NCOA6: variants seen among roughly 807,000 people sequenced by gnomAD.
NCOA6 encodes the protein nuclear receptor coactivator 6.
A neutral mutation model predicts 171.4 loss-of-function variants in NCOA6; 49 were observed. The observed-to-expected ratio is 0.29, with a 90% confidence interval of 0.23 to 0.36. The LOEUF (loss-of-function observed/expected upper bound fraction) is 0.36. Ranked by LOEUF, NCOA6 falls within the 10% of genes least tolerant of loss-of-function variation. NCOA6 has a pLI of 1.00. For missense variants in NCOA6, 2,248 were observed against 2,554.5 expected (o/e 0.88, Z 2.59); for synonymous variants, 910 against 927.5 (o/e 0.98, Z 0.34).
chr20:34,769,774 T>C (rs890719179), intron 4 of NCOA6, among the ~76,000 whole-genome samples: 2 of 152,338 alleles, frequency 1.3e-5, no homozygotes, highest in African/African-American at 2.4e-5. Context: ...AACTTAAATC[T>C]TACTTGGTCC....
rs2076129522 is a variant in NCOA6 at position 34,741,152 on chromosome 20, T to C, written c.5104A>G (p.Ile1702Val). The C allele has an allele frequency of 3.1e-6, 5 of 1,614,186 alleles. No homozygotes were observed. Among genetic ancestry groups the C allele is most frequent in the Non-Finnish European group, 4.2e-6 (5 of 1,180,034 alleles). The change falls in exon 11 of 15, where the codon ATA becomes GTA. Residue 1702 changes from isoleucine (I) to valine (V), a missense_variant. This residue lies in a region of NCOA6 where 884 missense variants were observed against 941.9 expected (regional missense o/e 0.94). Transcript: ENST00000359003. ...GAAGAAAATTTTATGTTCTGAGGTA[T>C]GTGTAAAGGGCCAACAACTGCAACA... is the stretch of plus-strand genomic sequence containing the variant. The part of the protein sequence containing the change: ...PSVAVVGPLH[I>V]PQNIKFSSAP...
At chr20:34,753,628 C>T (rs534089402) in intron 8 of NCOA6, among the ~76,000 whole-genome samples, 1 of 151,948 alleles carries the variant, frequency 6.6e-6, no homozygotes, top group African/African-American at 2.4e-5. Flanking sequence ...CCACTGCACT[C>T]CAGCTTGAGC....
At chr20:34,808,943 T>C (rs2078557068) in intron 1 of NCOA6, among the ~76,000 whole-genome samples, 2 of 152,166 alleles carry the variant, frequency 1.3e-5, no homozygotes, top group Admixed American at 6.5e-5. Flanking sequence ...AAAAAGCTAA[T>C]TCAAGATGAC....
intron 1 of NCOA6, among the ~76,000 whole-genome samples, chr20:34,818,263 G>A (rs1252719234): frequency 1.3e-5 from 2 of 152,102 alleles, no homozygotes; most frequent in Non-Finnish European, 2.9e-5. Flanking sequence ...ACCAAGGCAG[G>A]AGATCACTTG....
At chr20:34,750,975 T>C (rs989913773) in intron 8 of NCOA6, among the ~76,000 whole-genome samples, 1 of 151,424 alleles carries the variant, frequency 6.6e-6, no homozygotes, top group Non-Finnish European at 1.5e-5. Flanking sequence ...GATCATGCCA[T>C]TGCACTCCAG....
chr20:34,749,711 C>T lies in NCOA6; in HGVS notation c.2484G>A (p.Met828Ile). 3 of 1,614,166 alleles carry T rather than the reference C, an allele frequency of 1.9e-6. No homozygotes were observed. Among genetic ancestry groups the T allele is most frequent in the Non-Finnish European group, 2.5e-6 (3 of 1,180,034 alleles). ...MPDVSIQQTN[M>I]VPPHVQAMQG... Reference sequence around the variant, plus strand: ...GCATGGCCTGCACATGAGGGGGGACCATGTTGGTTTGTTGAATGCTAACAT... The same window carrying T: ...GCATGGCCTGCACATGAGGGGGGACTATGTTGGTTTGTTGAATGCTAACAT... The change falls in exon 9 of 15, where the codon ATG becomes ATA. Residue 828 changes from methionine to isoleucine, a missense_variant. By Grantham distance (10) the Met-to-Ile change is conservative. This residue lies in a region of NCOA6 where 987 missense variants were observed against 1,104.7 expected (regional missense o/e 0.89). Transcript: ENST00000359003.
chr20:34,747,770 C>T (rs1275508009), intron 9 of NCOA6, among the ~76,000 whole-genome samples: 1 of 152,182 alleles, frequency 6.6e-6, no homozygotes, highest in African/African-American at 2.4e-5. Context: ...AAATTTAGAA[C>T]CTGAAGCAGA....
Position 34,823,744 on chromosome 20 carries a change from C to T in NCOA6, c.-164+1728G>A, listed in dbSNP as rs75048828. 7.0e-4 allele frequency among the ~76,000 whole-genome samples: 107 copies of T among 152,016 alleles called. 1 individual carries two copies. The East Asian group carries it at 0.019, about 27-fold the overall frequency. ...ACAGTGTCTTGCTCTGTCGCCCAGG[C>T]AGGAATGTCATGGAATGACCATAGC... On this transcript the variant is annotated intron_variant, in intron 1 of 14. Transcript: ENST00000359003.
At chr20:34,745,461 C>T (rs1036014891) in intron 10 of NCOA6, among the ~76,000 whole-genome samples, 1 of 152,182 alleles carries the variant, frequency 6.6e-6, no homozygotes. Context: ...CTGATGACCT[C>T]CCAGTCTCAG....
Position 34,740,443 on chromosome 20 carries a change from CCAT to C in NCOA6, c.5810_5812del (p.His1937_Gly1938delinsArg), listed in dbSNP as rs1292538470. On this transcript the variant is annotated inframe_deletion, in exon 11 of 15. Transcript: ENST00000359003. Reference sequence around the variant, plus strand: ...CGCAAGTGACTCAGATGCTATGCCACCATGATTGCTTTTTGTGGTCGGTACGGC... The same window carrying C: ...CGCAAGTGACTCAGATGCTATGCCACGATTGCTTTTTGTGGTCGGTACGGC... 1 of 1,614,210 alleles carries C rather than the reference CCAT, an allele frequency of 6.2e-7. No individual in the cohort carries two copies. The highest frequency in any genetic ancestry group is 1.1e-5 in the South Asian group (1 of 91,082).
chr20:34,793,661 A>G (rs1298706256), intron 1 of NCOA6, among the ~76,000 whole-genome samples: 2 of 152,134 alleles, frequency 1.3e-5, no homozygotes, highest in East Asian at 3.8e-4. Context: ...GAAAAGATTG[A>G]TAAGTTCAAA....
At chr20:34,745,552 G>T (rs2076277146) in intron 10 of NCOA6, among the ~76,000 whole-genome samples, 1 of 152,202 alleles carries the variant, frequency 6.6e-6, no homozygotes, top group African/African-American at 2.4e-5. Context: ...TTGATATCAT[G>T]ATGGATTTAG....
At chr20:34,796,045 C>G (rs967597883) in intron 1 of NCOA6, among the ~76,000 whole-genome samples, 10 of 116,510 alleles carry the variant, frequency 8.6e-5, no homozygotes, top group African/African-American at 3.4e-4. Context: ...GAGTCTTGCT[C>G]TGTCACCTAG....
intron 5 of NCOA6, among the ~76,000 whole-genome samples, chr20:34,766,700 G>C (rs946544448): frequency 1.3e-5 from 2 of 152,162 alleles, no homozygotes; most frequent in African/African-American, 4.8e-5. Flanking sequence ...AAGCCTAGAA[G>C]GGATCTCTAG....
rs1339307627 is a variant in NCOA6 at position 34,750,138 on chromosome 20, T to G, written c.2057A>C (p.Gln686Pro). Residue 686 changes from glutamine (Q) to proline (P), a missense_variant, in exon 9 of 15, where the codon CAG becomes CCG. This residue lies in a region of NCOA6 where 987 missense variants were observed against 1,104.7 expected (regional missense o/e 0.89). Transcript: ENST00000359003. The part of the protein sequence containing the change: ...RMTPPKQMLS[Q>P]QGPQMMAPHN... Reference sequence around the variant, plus strand: ...TGGCGCCATCATTTGTGGGCCCTGCTGGGAAAGCATCTGCTTGGGTGGGGT... The same window carrying G: ...TGGCGCCATCATTTGTGGGCCCTGCGGGGAAAGCATCTGCTTGGGTGGGGT... The G allele has an allele frequency of 6.2e-7, 1 of 1,613,888 alleles. No homozygotes were observed. Among genetic ancestry groups the G allele is most frequent in the Non-Finnish European group, 8.5e-7 (1 of 1,179,960 alleles).
intron 1 of NCOA6, among the ~76,000 whole-genome samples, chr20:34,815,672 C>T (rs2078811955): frequency 6.6e-6 from 1 of 151,994 alleles, no homozygotes. Flanking sequence ...AATGGAGACC[C>T]TGAAAAGCTG....
chr20:34,818,050 T>A (rs978083691), intron 1 of NCOA6, among the ~76,000 whole-genome samples: 1 of 152,224 alleles, frequency 6.6e-6, no homozygotes, highest in Admixed American at 6.5e-5. Flanking sequence ...ATACTTTCTG[T>A]ATCAATTGTT....
At chr20:34,811,199 G>GTTTATATATATATA (rs2078646369) in intron 1 of NCOA6, among the ~76,000 whole-genome samples, 4 of 39,152 alleles carry the variant, frequency 1.0e-4, no homozygotes, top group Non-Finnish European at 2.0e-4. Context: ...CAACAACAAC[G>GTTTATATATATATA]TGTATATATA....
chr20:34,764,354 T>C (rs957585401), intron 5 of NCOA6, among the ~76,000 whole-genome samples: 1 of 152,154 alleles, frequency 6.6e-6, no homozygotes, highest in African/African-American at 2.4e-5. Context: ...CCCAAAGTGC[T>C]GGGATTACGG....
Sources: allele counts gnomAD v4.1 joint callset (sites outside exome capture counted in the v4.1 genomes callset), GRCh38; gene constraint gnomAD v4.1.1; regional missense constraint gnomAD v4.1.1; transcripts MANE v1.5; gene names NCBI Gene and HGNC (gene_info 2026-07-23, HGNC 2026-07-21).